Variants in KCNN2 observed in about 807,000 individuals in gnomAD.
KCNN2 encodes the protein potassium calcium-activated channel subfamily N member 2, also known as small conductance calcium-activated potassium channel protein 2.
Under a neutral mutation model 55.5 loss-of-function variants are expected in KCNN2, and 24 were observed. That is an observed-to-expected ratio of 0.43 (90% confidence interval 0.31 to 0.61). The LOEUF (loss-of-function observed/expected upper bound fraction) is 0.61. Among genes scored for constraint, KCNN2 ranks in the 20% least tolerant of loss-of-function variants. The probability of loss-of-function intolerance (pLI) is 0.08; values close to 1 mark genes in which losing one functional copy is unlikely to be tolerated. For missense variants in KCNN2, 754 were observed against 853.6 expected, an observed-to-expected ratio of 0.88 and a Z score of 1.45; for synonymous variants, 431 against 336.1, an observed-to-expected ratio of 1.28 and a Z score of -3.09.
At chr5:114,382,311 A>G (rs540934667) in intron 2 of KCNN2, among the ~76,000 whole-genome samples, 1 of 152,326 alleles carries the variant, frequency 6.6e-6, no homozygotes, top group African/African-American at 2.4e-5. Flanking sequence ...AACTCCCGTC[A>G]GTGTCACCTC....
intron 1 of KCNN2, among the ~76,000 whole-genome samples, chr5:114,097,986 A>AT (rs1223452932): frequency 3.9e-5 from 6 of 152,146 alleles, no homozygotes; most frequent in African/African-American, 1.4e-4. Flanking sequence ...TCTGAAATGA[A>AT]TTTTGCATGG....
chr5:114,266,174 T>C (rs1177868866), intron 2 of KCNN2, among the ~76,000 whole-genome samples: 1 of 152,300 alleles, frequency 6.6e-6, no homozygotes, highest in African/African-American at 2.4e-5. Context: ...ACATTCTATT[T>C]TGTTTTTACC....
chr5:114,172,448 A>G (rs996908796), intron 1 of KCNN2, among the ~76,000 whole-genome samples: 5 of 151,614 alleles, frequency 3.3e-5, no homozygotes, highest in African/African-American at 1.2e-4. Context: ...TATTTTAGCT[A>G]TCACTGGGAT....
intron 1 of KCNN2, among the ~76,000 whole-genome samples, chr5:114,075,042 AC>A (rs1429280318): frequency 6.6e-6 from 1 of 152,064 alleles, no homozygotes; most frequent in Non-Finnish European, 1.5e-5. Context: ...TGATATCCAT[AC>A]CCCTTAGCAC....
At position 114,288,486 on chromosome 5, in the gene KCNN2, TTA is replaced by T. The variant is rs372065101; in HGVS notation, c.-185+66934_-185+66935del. 2.9e-3 allele frequency among the ~76,000 whole-genome samples: 407 copies of T among 141,256 alleles called. 3 individuals are homozygous for T. Among genetic ancestry groups the T allele is most frequent in the African/African-American group, 8.4e-3 (306 of 36,330 alleles). The allele number at this position is 141,256 out of a possible 152,430, so 92.7% of individuals were successfully genotyped here. On this transcript the variant is annotated intron_variant, in intron 2 of 10. Transcript: ENST00000512097. Reference sequence around the variant, plus strand: ...ATGTCTTGACATCTTTGCCATTACTTTATATATATATATACACACACACACAC... The same window carrying T: ...ATGTCTTGACATCTTTGCCATTACTTTATATATATATACACACACACACAC...
intron 2 of KCNN2, among the ~76,000 whole-genome samples, chr5:114,395,774 G>C (rs1040177847): frequency 2.0e-5 from 3 of 152,068 alleles, no homozygotes; most frequent in Non-Finnish European, 4.4e-5. Context: ...TTGTCTCCTA[G>C]GACAGTTCTT....
At position 114,125,100 on chromosome 5, in the gene KCNN2, A is replaced by C. The variant is rs372055302; in HGVS notation, c.-271+68600A>C. Among the ~76,000 whole-genome samples, 51 of 152,308 alleles carry C rather than the reference A, an allele frequency of 3.3e-4. No homozygotes were observed. In the East Asian group the frequency reaches 5.4e-3, roughly 16 times the overall value. On this transcript the variant is annotated intron_variant, in intron 1 of 10. Transcript: ENST00000512097. ...CTAAAAGGGGCAATTGGTTACCTAA[A>C]ATTTTGCTCTAATTTGTATATATTG...
chr5:114,204,004 A>G (rs950500492), intron 1 of KCNN2, among the ~76,000 whole-genome samples: 11 of 152,224 alleles, frequency 7.2e-5, no homozygotes, highest in African/African-American at 2.7e-4. Context: ...AAGCTCAGCC[A>G]TATTACTCTA....
At chr5:114,328,519 T>C (rs1340295699) in intron 2 of KCNN2, among the ~76,000 whole-genome samples, 1 of 152,194 alleles carries the variant, frequency 6.6e-6, no homozygotes, top group East Asian at 1.9e-4. Flanking sequence ...TTCTCCCTTG[T>C]TACAGTACAC....
chr5:114,240,562 G>C (rs1397785611), intron 2 of KCNN2, among the ~76,000 whole-genome samples: 1 of 151,466 alleles, frequency 6.6e-6, no homozygotes, highest in East Asian at 1.9e-4. Context: ...CTCCTGAGTA[G>C]CTGGGCTCAC....
intron 2 of KCNN2, among the ~76,000 whole-genome samples, chr5:114,317,338 T>A (rs1756521194): frequency 6.6e-6 from 1 of 152,166 alleles, no homozygotes; most frequent in Non-Finnish European, 1.5e-5. Flanking sequence ...TCTTGTTGGC[T>A]TGCCTTTTCT....
In KCNN2 at chr5:114,110,043, C is replaced by T. The variant is rs1055427220; in HGVS notation, c.-271+53543C>T. ...CTTCACAAAGCTTTTGTCTCTTGCC[C>T]TTCCTCCATGTGAGAGCATAATGTT... is the stretch of plus-strand genomic sequence containing the variant. On this transcript the variant is annotated intron_variant, in intron 1 of 10. Transcript: ENST00000512097. Among the ~76,000 whole-genome samples, 4 of 152,048 alleles carry T rather than the reference C, an allele frequency of 2.6e-5. No homozygotes were observed. The East Asian group carries it at 7.8e-4, about 29-fold the overall frequency.
chr5:114,069,938 A>C (rs1750532052), intron 1 of KCNN2, among the ~76,000 whole-genome samples: 1 of 152,220 alleles, frequency 6.6e-6, no homozygotes, highest in South Asian at 2.1e-4. Context: ...TGCACTGACT[A>C]TCTGTAGAAT....
At chr5:114,348,302 T>C (rs946453790) in intron 2 of KCNN2, among the ~76,000 whole-genome samples, 3 of 147,538 alleles carry the variant, frequency 2.0e-5, no homozygotes, top group African/African-American at 7.4e-5. Flanking sequence ...GGGAGAGCAT[T>C]AGGAGATATA....
chr5:114,131,554 C>T (rs1321239312), intron 1 of KCNN2, among the ~76,000 whole-genome samples: 1 of 152,088 alleles, frequency 6.6e-6, no homozygotes, highest in Non-Finnish European at 1.5e-5. Flanking sequence ...GGATTGATTC[C>T]ATGTCTTTGC....
intron 2 of KCNN2, among the ~76,000 whole-genome samples, chr5:114,396,601 T>C (rs1300224084): frequency 6.7e-6 from 1 of 149,944 alleles, no homozygotes. Flanking sequence ...CAGGCTGGAG[T>C]GCACTGGCGC....
intron 2 of KCNN2, among the ~76,000 whole-genome samples, chr5:114,399,847 C>A (rs116435466): frequency 1.3e-5 from 2 of 150,774 alleles, no homozygotes; most frequent in African/African-American, 4.9e-5. Context: ...TTGTATGTTT[C>A]CAGGAATTTT....
intron 1 of KCNN2, among the ~76,000 whole-genome samples, chr5:114,069,993 C>T (rs1303621409): frequency 1.3e-5 from 2 of 152,204 alleles, no homozygotes; most frequent in Admixed American, 6.5e-5. Context: ...TTCTTATATG[C>T]ATTCATTTCT....
chr5:114,066,854 C>T (rs756527640), intron 1 of KCNN2, among the ~76,000 whole-genome samples: 2 of 152,206 alleles, frequency 1.3e-5, no homozygotes, highest in Non-Finnish European at 2.9e-5. Context: ...GCTGGGATTA[C>T]AGGCGTGAGC....
Sources: allele counts gnomAD v4.1 joint callset (sites outside exome capture counted in the v4.1 genomes callset), GRCh38; gene constraint gnomAD v4.1.1; transcripts MANE v1.5; gene names NCBI Gene and HGNC (gene_info 2026-07-23, HGNC 2026-07-21).